NID1: variants seen among roughly 807,000 people sequenced by gnomAD.
NID1 encodes nidogen-1.
Under a neutral mutation model 130.6 loss-of-function variants are expected in NID1, and 76 were observed. The ratio of observed to expected loss-of-function variants is 0.58; its 90% CI spans 0.48 to 0.70. NID1 has a LOEUF of 0.70. NID1 is among the 30% of genes least tolerant of loss of function. NID1 has a pLI of 0.00. For missense variants in NID1, 1,517 were observed against 1,664.8 expected (o/e 0.91, Z 1.54); for synonymous variants, 665 against 675.1 (o/e 0.98, Z 0.23).
intron 6 of NID1, among the ~76,000 whole-genome samples, chr1:236,030,389 C>T (rs968176429): frequency 6.6e-6 from 1 of 152,190 alleles, no homozygotes; most frequent in Non-Finnish European, 1.5e-5. Flanking sequence ...AAACTATGGC[C>T]TCAGGGCTAA....
intron 9 of NID1, among the ~76,000 whole-genome samples, chr1:236,017,487 G>A (rs561472274): frequency 1.3e-5 from 2 of 152,154 alleles, no homozygotes; most frequent in Admixed American, 1.3e-4. Flanking sequence ...CAGGGTTCAA[G>A]TGATTCTCCT....
chr1:236,004,748 C>T (rs767007297), intron 12 of NID1, among the ~76,000 whole-genome samples: 86 of 103,502 alleles, frequency 8.3e-4, no homozygotes, highest in Non-Finnish European at 1.3e-3. Flanking sequence ...GGCAACAGAG[C>T]GAGACTCTGT....
rs748178076 is a variant in NID1 at position 236,025,968 on chromosome 1, C to T, written c.1912G>A (p.Val638Met). The change falls in exon 8 of 20, where the codon GTG becomes ATG. Residue 638 changes from valine to methionine, a missense_variant. Coordinates refer to ENST00000264187, the MANE Select transcript of NID1 (RefSeq NM_002508.3). ...TCCTCCTGGTTGTACAGGACGAACA[C>T]GCTGTCCACCGAGAGCTGCTGGGTG... is the stretch of plus-strand genomic sequence containing the variant. The part of the protein sequence containing the change: ...PSTQQLSVDS[V>M]FVLYNQEEKI... 163 of 1,613,660 alleles carry T rather than the reference C, an allele frequency of 1.0e-4. No homozygotes were observed. The highest frequency in any genetic ancestry group is 3.6e-4 in the South Asian group (33 of 91,054).
chr1:236,052,894 A>G (rs1659802593), intron 1 of NID1, among the ~76,000 whole-genome samples: 1 of 150,384 alleles, frequency 6.6e-6, no homozygotes, highest in Non-Finnish European at 1.5e-5. Flanking sequence ...AAGCAGCTGG[A>G]AAATGAATGA....
intron 5 of NID1, among the ~76,000 whole-genome samples, chr1:236,033,444 A>T (rs1659158146): frequency 6.6e-6 from 1 of 152,222 alleles, no homozygotes; most frequent in African/African-American, 2.4e-5. Flanking sequence ...CTGTGAGCTC[A>T]TATACAGTCC....
At position 235,976,414 on chromosome 1, in the gene NID1, T is replaced by C. The variant is rs1192958892; in HGVS notation, c.*1453A>G. 6.6e-6 allele frequency: 1 copy of C among 152,242 alleles called. No individual in the cohort carries two copies. Among genetic ancestry groups the C allele is most frequent in the Non-Finnish European group, 1.5e-5 (1 of 68,050 alleles). 9.4% of individuals were successfully genotyped at this position (152,242 alleles called of 1,614,324 possible). A position where few individuals can be genotyped will look rare whatever the true frequency, so the allele number is the denominator to read the frequency against. ...TGGAGTTACTTAAGAGTTTTACTTA[T>C]TGCTGTTCTTAAATTCCTTCCCCTA... On this transcript the variant is annotated 3_prime_UTR_variant, in exon 20 of 20. Coordinates refer to ENST00000264187, the MANE Select transcript of NID1 (RefSeq NM_002508.3).
At chr1:236,035,530 A>G (rs1477831751) in intron 5 of NID1, among the ~76,000 whole-genome samples, 1 of 146,648 alleles carries the variant, frequency 6.8e-6, no homozygotes, top group Non-Finnish European at 1.5e-5. Flanking sequence ...GGCTGGGTCA[A>G]ATGGTATTTC....
At chr1:235,986,242 C>T (rs1367452269) in intron 14 of NID1, among the ~76,000 whole-genome samples, 1 of 152,014 alleles carries the variant, frequency 6.6e-6, no homozygotes, top group Non-Finnish European at 1.5e-5. Context: ...AAAAGGCATA[C>T]ATATTGAAGA....
Position 236,045,664 on chromosome 1 carries a change from A to G in NID1, c.545T>C (p.Val182Ala). 6.2e-7 allele frequency: 1 copy of G among 1,612,924 alleles called. No homozygotes were observed. The highest frequency in any genetic ancestry group is 1.1e-5 in the South Asian group (1 of 90,792). ...QKGKRNTFQA[V>A]LASSDSSSYA... The stretch of plus-strand genomic sequence containing the variant: ...GGAGCTGGAATCAGAGGAGGCTAGA[A>G]CAGCCTGGAACGTGTTTCTCTGTGA... The change falls in exon 3 of 20, where the codon GTT becomes GCT. Residue 182 changes from valine (V) to alanine (A), a missense_variant. By Grantham distance (64) the Val-to-Ala change is moderately conservative (BLOSUM62 0). Transcript: ENST00000264187.
intron 4 of NID1, among the ~76,000 whole-genome samples, chr1:236,039,645 C>T (rs1407967240): frequency 6.6e-6 from 1 of 152,102 alleles, no homozygotes; most frequent in Non-Finnish European, 1.5e-5. Context: ...AATTCAAAAG[C>T]ACAAGAGGGG....
chr1:235,994,110 T>C (rs562677108), intron 12 of NID1, among the ~76,000 whole-genome samples: 1 of 152,374 alleles, frequency 6.6e-6, no homozygotes, highest in South Asian at 2.1e-4. Context: ...TAAAACACTT[T>C]TAAAAAATTG....
At chr1:236,040,123 A>G (rs146265192) in intron 4 of NID1, among the ~76,000 whole-genome samples, 70 of 152,312 alleles carry the variant, frequency 4.6e-4, no homozygotes, top group African/African-American at 1.7e-3. Context: ...TGAGAATTTC[A>G]GAGACACCTA....
chr1:236,064,628 G>A, intron 1 of NID1: 3 of 555,146 alleles, frequency 5.4e-6, no homozygotes, highest in Non-Finnish European at 9.8e-6. Context: ...GGCCCGGGGC[G>A]CGCGGAGCCA....
At chr1:236,026,856 A>G (rs1005825414) in intron 7 of NID1, among the ~76,000 whole-genome samples, 9 of 151,026 alleles carry the variant, frequency 6.0e-5, no homozygotes, top group African/African-American at 2.0e-4. Context: ...CTCCCACCTC[A>G]GCCTCCCAAG....
At chr1:236,046,223 A>C (rs1225723816) in intron 2 of NID1, among the ~76,000 whole-genome samples, 1 of 152,194 alleles carries the variant, frequency 6.6e-6, no homozygotes, top group Admixed American at 6.5e-5. Context: ...TTGCATCTGT[A>C]AAATGGAGAT....
chr1:235,979,720 T>G lies in NID1; in HGVS notation c.3509+102A>C, dbSNP rs1572573581. The G allele has an allele frequency of 1.4e-5, 20 of 1,405,308 alleles. No individual in the cohort carries two copies. The East Asian group carries it at 4.2e-4, about 30-fold the overall frequency. The allele number at this position is 1,405,308 out of a possible 1,614,324, so 87.1% of individuals were successfully genotyped here. A position where few individuals can be genotyped will look rare whatever the true frequency, so the allele number is the denominator to read the frequency against. On this transcript the variant is annotated intron_variant, in intron 18 of 19. Transcript: ENST00000264187. This position sits in a 1 kb window ranked among gnomAD's most constrained non-coding sequence, Gnocchi z 4.6. ...CTCTAGAGGGGGCATTTCTGGAGGCTCAAAAGTCAAGCCAAGAGGCCAGAT... is the reference window on the plus strand; with the variant it reads ...CTCTAGAGGGGGCATTTCTGGAGGCGCAAAAGTCAAGCCAAGAGGCCAGAT...
intron 9 of NID1, among the ~76,000 whole-genome samples, chr1:236,023,471 A>G (rs1658826052): frequency 6.6e-6 from 1 of 152,172 alleles, no homozygotes; most frequent in Non-Finnish European, 1.5e-5. Context: ...GGGAAATGTG[A>G]GTTGTTGTTT....
At chr1:235,983,972 T>G (rs1657505735) in intron 15 of NID1, among the ~76,000 whole-genome samples, 1 of 151,900 alleles carries the variant, frequency 6.6e-6, no homozygotes, top group South Asian at 2.1e-4. Flanking sequence ...AACTGGAAGC[T>G]TCTTTCTCTC....
rs1658443847 is a variant in NID1, at chr1:236,012,060, A to C, written c.2405-17T>G. The C allele has an allele frequency of 6.2e-7, 1 of 1,605,414 alleles. No individual in the cohort carries two copies. Among genetic ancestry groups the C allele is most frequent in the African/African-American group, 1.3e-5 (1 of 74,958 alleles). On this transcript the variant is annotated splice_polypyrimidine_tract_variant and intron_variant, in intron 11 of 19. Transcript: ENST00000264187. ...CATCTACATCTGTAAAACAGCCACC[A>C]GGCCCAGGGACAATGAGATTTCTTC...
Sources: gnomAD v4.1 joint callset for allele counts (sites outside exome capture counted in the v4.1 genomes callset) on GRCh38, gnomAD v4.1.1 for gene constraint, Gnocchi (gnomAD v3.1) non-coding constraint, MANE v1.5 for transcripts, NCBI Gene and HGNC (gene_info 2026-07-23, HGNC 2026-07-21) for gene names.